The following ZMAT4 variants were observed in gnomAD, a reference collection of about 807,000 sequenced individuals.
The protein encoded by ZMAT4 is zinc finger matrin-type protein 4.
A neutral mutation model predicts 28.7 loss-of-function variants in ZMAT4; 17 were observed. The observed-to-expected ratio is 0.59, with a 90% CI of 0.41 to 0.89. ZMAT4 has a LOEUF of 0.89. Among genes scored for constraint, ZMAT4 ranks in the 40% least tolerant of loss-of-function variants. The probability of loss-of-function intolerance (pLI) is 0.00; values close to 1 mark genes in which losing one functional copy is unlikely to be tolerated. For synonymous variants in ZMAT4, 117 were observed against 109.2 expected, an observed-to-expected ratio of 1.07 and a Z score of -0.44; for missense variants, 240 against 283.8, an observed-to-expected ratio of 0.85 and a Z score of 1.11.
intron 3 of ZMAT4, among the ~76,000 whole-genome samples, chr8:40,722,401 T>C (rs1478630381): frequency 6.6e-6 from 1 of 152,156 alleles, no homozygotes; most frequent in Admixed American, 6.5e-5. Context: ...AGAAGCATCT[T>C]AGTAGGGAGG....
At chr8:40,772,043 T>C (rs1813409580) in intron 2 of ZMAT4, among the ~76,000 whole-genome samples, 1 of 152,178 alleles carries the variant, frequency 6.6e-6, no homozygotes. Context: ...ACCATTACAT[T>C]AAGGGAAAAG....
Position 40,765,485 on chromosome 8 carries a change from T to C in ZMAT4, c.192+2156A>G, listed in dbSNP as rs4486189. On this transcript the variant is annotated intron_variant, in intron 3 of 6. Coordinates refer to ENST00000297737, the MANE Select transcript of ZMAT4 (RefSeq NM_024645.3). ...TGTTTACTGGTTTGCTTTTATATTA[T>C]GCTCAATAAATTATAGAAAAATGAT... 5.2e-3 allele frequency among the ~76,000 whole-genome samples: 787 copies of C among 152,336 alleles called. 6 individuals are homozygous for C. The highest frequency in any genetic ancestry group is 0.018 in the African/African-American group (744 of 41,578).
At position 40,883,147 on chromosome 8, in the gene ZMAT4, C is replaced by T. The variant is rs147579542; in HGVS notation, c.-5+14536G>A. On this transcript the variant is annotated intron_variant, in intron 1 of 6. Transcript: ENST00000297737. ...TCCCTTGGCACCCTTGCTGAGGCTCCCTGAGCAAATGCTGTGTGTCCCTTC... is the reference window on the plus strand; with the variant it reads ...TCCCTTGGCACCCTTGCTGAGGCTCTCTGAGCAAATGCTGTGTGTCCCTTC... Among the ~76,000 whole-genome samples, 157 of 152,260 alleles carry T rather than the reference C, an allele frequency of 1.0e-3. 1 individual carries two copies. Among genetic ancestry groups the T allele is most frequent in the African/African-American group, 3.5e-3 (146 of 41,552 alleles).
chr8:40,857,040 T>C (rs1162588886), intron 1 of ZMAT4, among the ~76,000 whole-genome samples: 2 of 152,138 alleles, frequency 1.3e-5, no homozygotes, highest in African/African-American at 4.8e-5. Context: ...ATTACAGATT[T>C]TCAGCAGCAA....
At chr8:40,823,183 T>C (rs142292833) in intron 2 of ZMAT4, among the ~76,000 whole-genome samples, 1 of 152,200 alleles carries the variant, frequency 6.6e-6, no homozygotes, top group Non-Finnish European at 1.5e-5. Flanking sequence ...CAGGCACTAT[T>C]CCAGCAATTA....
At chr8:40,573,637 T>C (rs551959077) in intron 6 of ZMAT4, among the ~76,000 whole-genome samples, 1 of 152,304 alleles carries the variant, frequency 6.6e-6, no homozygotes, top group African/African-American at 2.4e-5. Flanking sequence ...GGAAAGACAT[T>C]ATTCAACCCA....
chr8:40,538,015 G>A (rs1312661867), intron 6 of ZMAT4, among the ~76,000 whole-genome samples: 1 of 152,160 alleles, frequency 6.6e-6, no homozygotes, highest in African/African-American at 2.4e-5. Context: ...CATTAGAATG[G>A]ACTTCCTGCT....
chr8:40,879,557 G>A (rs561900089), intron 1 of ZMAT4, among the ~76,000 whole-genome samples: 119 of 152,262 alleles, frequency 7.8e-4, no homozygotes, highest in African/African-American at 2.5e-3. Flanking sequence ...ATGCCAGGAC[G>A]GATCCATAGT....
At chr8:40,773,328 T>C (rs1813460527) in intron 2 of ZMAT4, among the ~76,000 whole-genome samples, 1 of 152,172 alleles carries the variant, frequency 6.6e-6, no homozygotes, top group South Asian at 2.1e-4. Context: ...GTCCCAGACC[T>C]CCTGCCCAGG....
chr8:40,802,125 A>G (rs375299426), intron 2 of ZMAT4, among the ~76,000 whole-genome samples: 15 of 152,252 alleles, frequency 9.9e-5, no homozygotes, highest in Non-Finnish European at 1.9e-4. Context: ...AACATCATAC[A>G]TAACAGTGAG....
intron 3 of ZMAT4, among the ~76,000 whole-genome samples, chr8:40,764,455 C>CGTTTGTAAGTAA (rs989469824): frequency 6.6e-6 from 1 of 152,106 alleles, no homozygotes; most frequent in African/African-American, 2.4e-5. Context: ...CCCTTCACTG[C>CGTTTGTAAGTAA]GTTTGTAAGT....
intron 5 of ZMAT4, among the ~76,000 whole-genome samples, chr8:40,652,439 GC>G (rs1436707063): frequency 1.3e-5 from 1 of 74,762 alleles, no homozygotes; most frequent in Admixed American, 1.5e-4. Flanking sequence ...AACAACAGGT[GC>G]TGGAGAGGAA....
At chr8:40,559,452 T>G (rs1585683585) in intron 6 of ZMAT4, among the ~76,000 whole-genome samples, 1 of 152,082 alleles carries the variant, frequency 6.6e-6, no homozygotes, top group Admixed American at 6.5e-5. Context: ...AACCCCTTCA[T>G]GAATATTCAT....
rs545986653 is a variant in ZMAT4 at position 40,887,015 on chromosome 8, C to T, written c.-5+10668G>A. Among the ~76,000 whole-genome samples, 430 of 151,976 alleles carry T rather than the reference C, an allele frequency of 2.8e-3. 1 individual carries two copies. Among genetic ancestry groups the T allele is most frequent in the Admixed American group, 4.9e-3 (75 of 15,266 alleles). On this transcript the variant is annotated intron_variant, in intron 1 of 6. Transcript: ENST00000297737. ...TGAAACCCCGTCTCTACTAAAAATA[C>T]AAAAAATTAACCTGGCGTGGTGGCG...
At chr8:40,696,163 C>T (rs939133807) in intron 4 of ZMAT4, among the ~76,000 whole-genome samples, 1 of 152,080 alleles carries the variant, frequency 6.6e-6, no homozygotes, top group Non-Finnish European at 1.5e-5. Context: ...CAACCTCATC[C>T]TATGCCTGAA....
intron 4 of ZMAT4, among the ~76,000 whole-genome samples, chr8:40,680,913 T>C (rs1238908449): frequency 6.6e-6 from 1 of 152,174 alleles, no homozygotes; most frequent in African/African-American, 2.4e-5. Context: ...GGGCTTTTGA[T>C]ATAGAGAAAT....
intron 5 of ZMAT4, among the ~76,000 whole-genome samples, chr8:40,606,104 T>C (rs1805570696): frequency 6.6e-6 from 1 of 152,234 alleles, no homozygotes; most frequent in Admixed American, 6.5e-5. Flanking sequence ...CAGTGGATAC[T>C]TGGTTGGTGA....
chr8:40,633,414 T>C (rs1806670495), intron 5 of ZMAT4, among the ~76,000 whole-genome samples: 1 of 152,076 alleles, frequency 6.6e-6, no homozygotes, highest in Non-Finnish European at 1.5e-5. Context: ...AGAGAGGATA[T>C]GATGTAGGGA....
At chr8:40,825,523 C>T in intron 2 of ZMAT4, 52 bp downstream of exon 2, 2 of 1,471,522 alleles carry the variant, frequency 1.4e-6, no homozygotes, top group Non-Finnish European at 1.9e-6. Context: ...CAACAATGAC[C>T]CGGGCTGCTC....
Sources: allele counts gnomAD v4.1 joint callset (sites outside exome capture counted in the v4.1 genomes callset), GRCh38; gene constraint gnomAD v4.1.1; transcripts MANE v1.5; gene names NCBI Gene and HGNC (gene_info 2026-07-23, HGNC 2026-07-21).